VPS13B: variants seen among roughly 807,000 people sequenced by gnomAD.
VPS13B encodes the protein intermembrane lipid transfer protein VPS13B.
In VPS13B, 285 loss-of-function variants were observed where a neutral mutation model predicts 426.4. The observed-to-expected ratio is 0.67, with a 90% confidence interval of 0.61 to 0.74. VPS13B has a LOEUF of 0.74. Among genes scored for constraint, VPS13B ranks in the 30% least tolerant of loss-of-function variants. VPS13B has a pLI of 0.00. For missense variants in VPS13B, 4,537 were observed against 4,782.6 expected (o/e 0.95, Z 1.51); for synonymous variants, 1,676 against 1,676.4 (o/e 1.00, Z 0.01).
At chr8:99,476,596 T>C (rs559161644) in intron 24 of VPS13B, among the ~76,000 whole-genome samples, 2 of 152,226 alleles carry the variant, frequency 1.3e-5, no homozygotes, top group South Asian at 2.1e-4. Flanking sequence ...GTATGATACC[T>C]TACGTTCAGG....
At chr8:99,548,152 A>G (rs1824090015) in intron 30 of VPS13B, among the ~76,000 whole-genome samples, 1 of 152,086 alleles carries the variant, frequency 6.6e-6, no homozygotes, top group Non-Finnish European at 1.5e-5. Context: ...GTAAAGTATC[A>G]TTCTATTAGA....
At chr8:99,344,815 A>AT (rs1206948229) in intron 19 of VPS13B, among the ~76,000 whole-genome samples, 1 of 151,696 alleles carries the variant, frequency 6.6e-6, no homozygotes, top group African/African-American at 2.4e-5. Flanking sequence ...TTGCTTTCCA[A>AT]TTTTTTATAT....
At chr8:99,159,723 G>A in intron 15 of VPS13B, among the ~76,000 whole-genome samples, 1 of 152,160 alleles carries the variant, frequency 6.6e-6, no homozygotes, top group Non-Finnish European at 1.5e-5. Context: ...GCAGTGGCAT[G>A]ATCTTGGCTC....
chr8:99,527,145 C>T (rs981410063), intron 30 of VPS13B, among the ~76,000 whole-genome samples: 1 of 151,296 alleles, frequency 6.6e-6, no homozygotes, highest in African/African-American at 2.4e-5. Flanking sequence ...CTTTCCCACT[C>T]TGTATCCGAG....
At chr8:99,242,074 G>A (rs915048571) in intron 17 of VPS13B, among the ~76,000 whole-genome samples, 7 of 151,916 alleles carry the variant, frequency 4.6e-5, no homozygotes, top group African/African-American at 1.5e-4. Context: ...TCCGCCTCCC[G>A]GGTTCACGCT....
At chr8:99,766,663 C>T in intron 39 of VPS13B, 111 bp from the exon 40 acceptor site, 1 of 894,004 alleles carries the variant, frequency 1.1e-6, no homozygotes, top group Non-Finnish European at 1.7e-6. Flanking sequence ...ACCTTATTCT[C>T]CTCTAAAGGT....
At chr8:99,597,253 G>A in intron 33 of VPS13B, among the ~76,000 whole-genome samples, 1 of 151,930 alleles carries the variant, frequency 6.6e-6, no homozygotes, top group East Asian at 1.9e-4. Context: ...ACATTTACTG[G>A]GTGATCTGAT....
intron 43 of VPS13B, among the ~76,000 whole-genome samples, chr8:99,802,793 T>C (rs1328542960): frequency 2.0e-5 from 3 of 152,214 alleles, no homozygotes; most frequent in African/African-American, 7.2e-5. Flanking sequence ...CATTTGAAAG[T>C]GCTCTACAGT....
Position 99,185,762 on chromosome 8 carries a change from G to A in VPS13B, c.2334-7114G>A, listed in dbSNP as rs140503137. Among the ~76,000 whole-genome samples the A allele has an allele frequency of 3.3e-3, 501 of 152,146 alleles. 2 individuals are homozygous for A. Among genetic ancestry groups the A allele is most frequent in the African/African-American group, 0.012 (479 of 41,524 alleles). On this transcript the variant is annotated intron_variant, in intron 16 of 61. Transcript: ENST00000357162. ...ATGGATTGTTTAATTTCTTTGCATC[G>A]AGTAGTAAGAACCACACTTCCATCA...
At chr8:99,310,180 C>G (rs1018146823) in intron 19 of VPS13B, among the ~76,000 whole-genome samples, 2 of 152,136 alleles carry the variant, frequency 1.3e-5, no homozygotes, top group Non-Finnish European at 2.9e-5. Context: ...TTATTTCTTT[C>G]TCCTGCCTGA....
intron 22 of VPS13B, among the ~76,000 whole-genome samples, chr8:99,439,849 A>T (rs983679804): frequency 2.6e-5 from 4 of 152,102 alleles, no homozygotes; most frequent in African/African-American, 9.7e-5. Flanking sequence ...TAAAAGAGAA[A>T]AATCTAAGTT....
At chr8:99,142,550 C>A (rs754811754) in intron 12 of VPS13B, among the ~76,000 whole-genome samples, 3 of 152,136 alleles carry the variant, frequency 2.0e-5, no homozygotes, top group Non-Finnish European at 4.4e-5. Context: ...TCTCAAGGCA[C>A]CCTGTGATCA....
chr8:99,637,435 C>A (rs1423422522), intron 33 of VPS13B, among the ~76,000 whole-genome samples: 1 of 151,996 alleles, frequency 6.6e-6, no homozygotes, highest in East Asian at 1.9e-4. Flanking sequence ...TGTACTTTTT[C>A]TTTTCCTTCC....
intron 54 of VPS13B, among the ~76,000 whole-genome samples, chr8:99,847,164 A>G (rs985823586): frequency 6.6e-6 from 1 of 152,180 alleles, no homozygotes; most frequent in African/African-American, 2.4e-5. Context: ...TTTACCTTGG[A>G]ACAAATAGGG....
At chr8:99,495,489 A>G (rs183249489) in intron 25 of VPS13B, among the ~76,000 whole-genome samples, 3 of 152,124 alleles carry the variant, frequency 2.0e-5, no homozygotes, top group Admixed American at 1.3e-4. Flanking sequence ...TTTCTTTGGC[A>G]CTGTGTAATT....
chr8:99,501,680 A>G lies in VPS13B; in HGVS notation c.3871-7A>G, dbSNP rs1425649545. 1 of 1,612,676 alleles carries G rather than the reference A, an allele frequency of 6.2e-7. No individual in the cohort carries two copies. Among genetic ancestry groups the G allele is most frequent in the African/African-American group, 1.3e-5 (1 of 74,826 alleles). ...CAAAGTAAGATTTTTTTTTCTCCTC[A>G]TCCCAGGGAGATTCTATACAAGCAG... On this transcript the variant is annotated splice_region_variant and splice_polypyrimidine_tract_variant and intron_variant, in intron 25 of 61. Coordinates refer to ENST00000357162, the MANE Select transcript of VPS13B (RefSeq NM_152564.5).
chr8:99,434,970 AAAG>A (rs901525307), intron 22 of VPS13B, among the ~76,000 whole-genome samples: 9 of 152,214 alleles, frequency 5.9e-5, no homozygotes, highest in African/African-American at 2.2e-4. Context: ...TGAGAAAAAA[AAAG>A]AGACATAATA....
chr8:99,456,188 A>T (rs954114492), intron 23 of VPS13B, among the ~76,000 whole-genome samples: 24 of 151,960 alleles, frequency 1.6e-4, no homozygotes, highest in Admixed American at 2.6e-4. Context: ...TATTTTTTTG[A>T]GGCAGAGTCT....
chr8:99,842,359 C>A lies in VPS13B; in HGVS notation c.9943-6417C>A, dbSNP rs113920097. 2.3e-3 allele frequency among the ~76,000 whole-genome samples: 353 copies of A among 152,168 alleles called. 1 individual carries two copies. Among genetic ancestry groups the A allele is most frequent in the African/African-American group, 8.1e-3 (337 of 41,478 alleles). On this transcript the variant is annotated intron_variant, in intron 54 of 61. Transcript: ENST00000357162. ...CAATGGCTTATGCCTATAATCCCAA[C>A]ACTTCAGGAGGCTGAGGCAGGAGCA...
Sources: gnomAD v4.1 joint callset for allele counts (sites outside exome capture counted in the v4.1 genomes callset) on GRCh38, gnomAD v4.1.1 for gene constraint, MANE v1.5 for transcripts, NCBI Gene and HGNC (gene_info 2026-07-23, HGNC 2026-07-21) for gene names.